SHISA9: variants seen among roughly 807,000 people sequenced by gnomAD.
The protein encoded by SHISA9 is protein shisa-9.
In SHISA9, 13 loss-of-function variants were observed where a neutral mutation model predicts 38.0. The observed-to-expected ratio is 0.34, with a 90% CI of 0.22 to 0.54. SHISA9 has a LOEUF of 0.54. Ranked by LOEUF, SHISA9 falls within the 20% of genes least tolerant of loss-of-function variation. The probability of loss-of-function intolerance (pLI) is 0.91; values close to 1 mark genes in which losing one functional copy is unlikely to be tolerated. For missense variants in SHISA9, 538 were observed against 575.8 expected (o/e 0.93, Z 0.67); for synonymous variants, 275 against 242.0 (o/e 1.14, Z -1.27).
chr16:13,446,469 A>T, the SHISA9 span, among the ~76,000 whole-genome samples: 1 of 152,192 alleles, frequency 6.6e-6, no homozygotes, highest in Admixed American at 6.5e-5. Context: ...TTATGAGTTC[A>T]GTGAGGCCAA....
chr16:13,246,515 A>G, the SHISA9 span: 1 of 152,230 alleles, frequency 6.6e-6, no homozygotes, highest in Non-Finnish European at 1.5e-5. Flanking sequence ...AAAGATAATA[A>G]TCATCGTAAT....
At chr16:13,098,072 G>C (rs182832839) in intron 2 of SHISA9, among the ~76,000 whole-genome samples, 2 of 152,112 alleles carry the variant, frequency 1.3e-5, no homozygotes, top group Non-Finnish European at 2.9e-5. Context: ...ACCCCATTTC[G>C]CAGAAGAAAC....
chr16:13,401,646 C>T, the SHISA9 span, among the ~76,000 whole-genome samples: 1 of 150,774 alleles, frequency 6.6e-6, no homozygotes, highest in African/African-American at 2.4e-5. Flanking sequence ...GAGGACTTAG[C>T]TAGAGGGAGG....
the SHISA9 span, among the ~76,000 whole-genome samples, chr16:13,265,210 C>T: frequency 8.3e-4 from 97 of 117,492 alleles, no homozygotes; most frequent in African/African-American, 3.0e-3. Flanking sequence ...TTTCCCTCCA[C>T]TTCTGTTCCC....
At chr16:12,971,501 G>A (rs1288573313) in intron 2 of SHISA9, among the ~76,000 whole-genome samples, 2 of 152,200 alleles carry the variant, frequency 1.3e-5, no homozygotes, top group Non-Finnish European at 1.5e-5. Context: ...CTTGGGAGAG[G>A]ATGGGGTGGG....
chr16:13,228,235 C>T (rs927973388), intron 4 of SHISA9, among the ~76,000 whole-genome samples: 1 of 152,206 alleles, frequency 6.6e-6, no homozygotes, highest in Non-Finnish European at 1.5e-5. Context: ...ACTTTCTGTG[C>T]TCAGGGAGTA....
the SHISA9 span, among the ~76,000 whole-genome samples, chr16:13,420,355 A>G: frequency 6.6e-6 from 1 of 151,488 alleles, no homozygotes; most frequent in Admixed American, 6.6e-5. Flanking sequence ...AATATTGAAC[A>G]GATAAATATG....
At chr16:13,257,643 G>T in the SHISA9 span, among the ~76,000 whole-genome samples, 5 of 152,160 alleles carry the variant, frequency 3.3e-5, no homozygotes, top group Non-Finnish European at 5.9e-5. Context: ...AAATACCGTG[G>T]TTCTAAGAAA....
At chr16:13,533,368 C>G in the SHISA9 span, among the ~76,000 whole-genome samples, 2 of 152,202 alleles carry the variant, frequency 1.3e-5, no homozygotes, top group African/African-American at 4.8e-5. Context: ...AGAAAACTTA[C>G]ACCAAGCTTA....
At chr16:13,526,289 G>A in the SHISA9 span, among the ~76,000 whole-genome samples, 87 of 152,268 alleles carry the variant, frequency 5.7e-4, no homozygotes, top group African/African-American at 2.0e-3. Flanking sequence ...GTCAATGTTG[G>A]CAAATTAAGC....
At chr16:13,469,419 AAGAAAAAG>A in the SHISA9 span, among the ~76,000 whole-genome samples, 4 of 112,952 alleles carry the variant, frequency 3.5e-5, no homozygotes, top group South Asian at 3.2e-4. Flanking sequence ...GAAAGAAAGA[AAGAAAAAG>A]AAAGAAAGAG....
chr16:13,262,682 A>AAGGG, the SHISA9 span, among the ~76,000 whole-genome samples: 1 of 65,262 alleles, frequency 1.5e-5, no homozygotes. Flanking sequence ...GGGAGGGAGG[A>AAGGG]AGGAAGGAAG....
intron 2 of SHISA9, among the ~76,000 whole-genome samples, chr16:12,979,986 A>G (rs948700605): frequency 6.6e-6 from 1 of 152,162 alleles, no homozygotes; most frequent in African/African-American, 2.4e-5. Flanking sequence ...CTTTTTCAGC[A>G]GGTTGTGAAT....
At chr16:13,543,900 CT>C in the SHISA9 span, among the ~76,000 whole-genome samples, 4 of 152,202 alleles carry the variant, frequency 2.6e-5, no homozygotes, top group African/African-American at 7.2e-5. Flanking sequence ...ATATCTACCT[CT>C]TTTTCTGGGT....
intron 2 of SHISA9, among the ~76,000 whole-genome samples, chr16:13,004,539 C>G (rs906372555): frequency 6.6e-6 from 1 of 152,098 alleles, no homozygotes; most frequent in Non-Finnish European, 1.5e-5. Context: ...AAAGAGATCT[C>G]TTGATGCTTG....
intron 2 of SHISA9, among the ~76,000 whole-genome samples, chr16:13,166,714 A>G (rs1463736869): frequency 6.6e-6 from 1 of 152,200 alleles, no homozygotes; most frequent in Admixed American, 6.5e-5. Context: ...GTGAAGGCAA[A>G]GGAAGAATCA....
chr16:13,336,137 G>A, the SHISA9 span, among the ~76,000 whole-genome samples: 1 of 152,168 alleles, frequency 6.6e-6, no homozygotes, highest in Non-Finnish European at 1.5e-5. Context: ...GAAAGGTCAC[G>A]TGGTCACTCT....
the SHISA9 span, among the ~76,000 whole-genome samples, chr16:13,493,114 CCTATTG>C: frequency 3.3e-5 from 5 of 152,068 alleles, no homozygotes; most frequent in Non-Finnish European, 5.9e-5. Context: ...ACTCTGTGTC[CCTATTG>C]CTTGGCACAT....
chr16:12,945,294 A>G (rs571225759), intron 2 of SHISA9, among the ~76,000 whole-genome samples: 1 of 152,182 alleles, frequency 6.6e-6, no homozygotes, highest in Non-Finnish European at 1.5e-5. Flanking sequence ...CTCACAGCAC[A>G]TACGGCAGCC....
Sources: gnomAD v4.1 joint callset for allele counts (sites outside exome capture counted in the v4.1 genomes callset) on GRCh38, gnomAD v4.1.1 for gene constraint, MANE v1.5 for transcripts, NCBI Gene and HGNC (gene_info 2026-07-23, HGNC 2026-07-21) for gene names.